XXYLT1: variants seen among roughly 807,000 people sequenced by gnomAD.
XXYLT1 encodes the protein xyloside xylosyltransferase 1.
A neutral mutation model predicts 28.9 loss-of-function variants in XXYLT1; 20 were observed. The ratio of observed to expected loss-of-function variants is 0.69; its 90% CI spans 0.49 to 1.00. The LOEUF is 1.00. Ranked by LOEUF, XXYLT1 falls within the 50% of genes least tolerant of loss-of-function variation. The probability of loss-of-function intolerance (pLI) is 0.00; values close to 1 mark genes in which losing one functional copy is unlikely to be tolerated. For missense variants in XXYLT1, 542 were observed against 560.1 expected (o/e 0.97, Z 0.33); for synonymous variants, 257 against 253.8 (o/e 1.01, Z -0.12).
chr3:195,123,307 G>A (rs376309374), intron 3 of XXYLT1, among the ~76,000 whole-genome samples: 195 of 151,970 alleles, frequency 1.3e-3, no homozygotes, highest in African/African-American at 4.2e-3. Context: ...CCTAAACCCC[G>A]CCATCAGCAT....
rs147034741 is a variant in XXYLT1, at chr3:195,223,726, G to A, written c.652+2983C>T. Among the ~76,000 whole-genome samples the A allele has an allele frequency of 1.3e-3, 193 of 152,306 alleles. 1 individual carries two copies. Among genetic ancestry groups the A allele is most frequent in the Middle Eastern group, 6.8e-3 (2 of 294 alleles). Reference sequence around the variant, plus strand: ...GGAACTCCCCAGTGCTGCCAAGTGTGCCAGGCCAGACTTCCTGGCAGGACA... The same window carrying A: ...GGAACTCCCCAGTGCTGCCAAGTGTACCAGGCCAGACTTCCTGGCAGGACA... On this transcript the variant is annotated intron_variant, in intron 2 of 3. Coordinates refer to ENST00000310380, the MANE Select transcript of XXYLT1 (RefSeq NM_152531.5).
intron 1 of XXYLT1, among the ~76,000 whole-genome samples, chr3:195,265,872 GC>G (rs1372416216): frequency 1.3e-5 from 2 of 152,184 alleles, no homozygotes; most frequent in Non-Finnish European, 2.9e-5. Context: ...CCCCATGCCA[GC>G]CCAGAAATGC....
intron 2 of XXYLT1, among the ~76,000 whole-genome samples, chr3:195,172,824 A>C (rs542945928): frequency 6.6e-5 from 10 of 152,224 alleles, no homozygotes; most frequent in Non-Finnish European, 1.0e-4. Context: ...AGATTTGGGG[A>C]AAGAGGGCAA....
chr3:195,250,878 AG>A (rs201271505), intron 1 of XXYLT1, among the ~76,000 whole-genome samples: 2,021 of 152,332 alleles, frequency 0.013, 15 homozygotes, highest in Non-Finnish European at 0.021. Flanking sequence ...CCTGGCACAT[AG>A]TAGATGCCCA....
chr3:195,128,238 C>T (rs927982194), intron 3 of XXYLT1, among the ~76,000 whole-genome samples: 1 of 152,178 alleles, frequency 6.6e-6, no homozygotes, highest in Non-Finnish European at 1.5e-5. Context: ...AAATGACTGA[C>T]AAACGCCTGC....
chr3:195,179,116 C>T (rs968654207), intron 2 of XXYLT1, among the ~76,000 whole-genome samples: 11 of 151,800 alleles, frequency 7.2e-5, no homozygotes, highest in South Asian at 2.1e-4. Flanking sequence ...CCGAGGCGGG[C>T]GGATCATGAG....
intron 2 of XXYLT1, among the ~76,000 whole-genome samples, chr3:195,189,378 T>C (rs1722330727): frequency 1.3e-5 from 2 of 152,036 alleles, no homozygotes; most frequent in South Asian, 4.2e-4. Context: ...ACAGGGAAAA[T>C]ACCAGAAATC....
intron 2 of XXYLT1, among the ~76,000 whole-genome samples, chr3:195,179,340 CAA>C (rs1186873074): frequency 1.2e-5 from 1 of 80,456 alleles, no homozygotes; most frequent in African/African-American, 4.5e-5. Context: ...GACACCGTCT[CAA>C]AAAAAAAAAG....
chr3:195,162,048 C>A (rs1720898362), intron 2 of XXYLT1, among the ~76,000 whole-genome samples: 1 of 151,228 alleles, frequency 6.6e-6, no homozygotes, highest in African/African-American at 2.4e-5. Context: ...GTGTTCGCAC[C>A]ACTGCACTCC....
At chr3:195,226,607 G>A in intron 2 of XXYLT1, 102 bp downstream of exon 2, 1 of 1,430,276 alleles carries the variant, frequency 7.0e-7, no homozygotes, top group Non-Finnish European at 9.4e-7. Flanking sequence ...ATGTTCAGTG[G>A]AGCTATTCTC....
rs970430153 is a variant in XXYLT1 at position 195,133,417 on chromosome 3, T to C, written c.785+23032A>G. Among the ~76,000 whole-genome samples the C allele has an allele frequency of 1.3e-5, 2 of 152,058 alleles. No homozygotes were observed. Among genetic ancestry groups the C allele is most frequent in the Non-Finnish European group, 2.9e-5 (2 of 67,988 alleles). On this transcript the variant is annotated intron_variant, in intron 3 of 3. Transcript: ENST00000310380. This position sits in a 1 kb window ranked among gnomAD's most constrained non-coding sequence, Gnocchi z 4.4. ...GGAAAACACTGGAGAATTCAATAGGTGTCCAAGAGTTTCTGGAAGTTCTAC... is the reference window on the plus strand; with the variant it reads ...GGAAAACACTGGAGAATTCAATAGGCGTCCAAGAGTTTCTGGAAGTTCTAC...
intron 1 of XXYLT1, among the ~76,000 whole-genome samples, chr3:195,228,744 TC>T (rs1468532853): frequency 4.6e-5 from 7 of 151,926 alleles, no homozygotes; most frequent in Admixed American, 2.0e-4. Flanking sequence ...CGCCTCGGCC[TC>T]CCAAAGTGCT....
At chr3:195,112,663 G>A (rs1320010345) in intron 3 of XXYLT1, among the ~76,000 whole-genome samples, 1 of 148,362 alleles carries the variant, frequency 6.7e-6, no homozygotes, top group African/African-American at 2.5e-5. Flanking sequence ...CCCAGCCCCG[G>A]GTGGTGGGAA....
chr3:195,233,559 A>G lies in XXYLT1; in HGVS notation c.505-6703T>C, dbSNP rs113231614. Among the ~76,000 whole-genome samples, 19 of 152,312 alleles carry G rather than the reference A, an allele frequency of 1.2e-4. 1 individual carries two copies. Among genetic ancestry groups the G allele is most frequent in the African/African-American group, 4.1e-4 (17 of 41,570 alleles). ...CCATGAGATTTGCAAATAATATTTT[A>G]TAACACATTATTTTAAACTGATGAC... On this transcript the variant is annotated intron_variant, in intron 1 of 3. Transcript: ENST00000310380.
At chr3:195,170,143 C>T (rs563546467) in intron 2 of XXYLT1, among the ~76,000 whole-genome samples, 58 of 152,130 alleles carry the variant, frequency 3.8e-4, no homozygotes, top group Non-Finnish European at 7.1e-4. Flanking sequence ...AGCCACCACG[C>T]CTGGCCGTTA....
At chr3:195,100,298 G>T (rs971017233) in intron 3 of XXYLT1, among the ~76,000 whole-genome samples, 1 of 152,120 alleles carries the variant, frequency 6.6e-6, no homozygotes, top group Non-Finnish European at 1.5e-5. Context: ...CTAGCATGGG[G>T]TCCTATCTGG....
intron 2 of XXYLT1, among the ~76,000 whole-genome samples, chr3:195,187,568 G>A (rs1004564707): frequency 6.6e-6 from 1 of 152,186 alleles, no homozygotes; most frequent in African/African-American, 2.4e-5. Context: ...AGTGTTTACT[G>A]GAGCGACTGA....
At position 195,257,982 on chromosome 3, in the gene XXYLT1, C is replaced by T. The variant is rs1011313829; in HGVS notation, c.504+12573G>A. Among the ~76,000 whole-genome samples the T allele has an allele frequency of 3.3e-5, 5 of 152,160 alleles. No individual in the cohort carries two copies. Among genetic ancestry groups the T allele is most frequent in the Admixed American group, 2.6e-4 (4 of 15,288 alleles). The stretch of plus-strand genomic sequence containing the variant: ...CTGTGTCTTCCTACCCCCTAGACAG[C>T]AGGTGGCCAAGGGTGCCCTAAGCAA... On this transcript the variant is annotated intron_variant, in intron 1 of 3. Transcript: ENST00000310380. The surrounding 1 kb of genome is among the most constrained non-coding windows in gnomAD (Gnocchi z 4.3).
At chr3:195,153,109 G>C (rs1287780183) in intron 3 of XXYLT1, among the ~76,000 whole-genome samples, 1 of 152,164 alleles carries the variant, frequency 6.6e-6, no homozygotes, top group Non-Finnish European at 1.5e-5. Flanking sequence ...GGCGGGCTGC[G>C]CTGTCCCTGC....
Sources: gnomAD v4.1 joint callset for allele counts (sites outside exome capture counted in the v4.1 genomes callset) on GRCh38, gnomAD v4.1.1 for gene constraint, Gnocchi (gnomAD v3.1) non-coding constraint, MANE v1.5 for transcripts, NCBI Gene and HGNC (gene_info 2026-07-23, HGNC 2026-07-21) for gene names.